The following CLCN1 variants were observed in gnomAD, a reference collection of about 807,000 sequenced individuals.
The protein encoded by CLCN1 is chloride voltage-gated channel 1.
Under a neutral mutation model 114.5 loss-of-function variants are expected in CLCN1, and 100 were observed. The observed-to-expected ratio is 0.87, with a 90% CI of 0.74 to 1.03. CLCN1 has a LOEUF of 1.03. CLCN1 is among the 50% of genes least tolerant of loss of function. CLCN1 has a pLI of 0.00. For synonymous variants in CLCN1, 485 were observed against 487.1 expected, an observed-to-expected ratio of 1.00 and a Z score of 0.06; for missense variants, 1,188 against 1,250.0, an observed-to-expected ratio of 0.95 and a Z score of 0.75.
rs1803376178 is a variant in CLCN1, at chr7:143,350,802, A to T, written c.2595+148A>T. 1.5e-6 allele frequency: 1 copy of T among 654,434 alleles called. No homozygotes were observed. 40.5% of individuals were successfully genotyped at this position (654,434 alleles called of 1,614,324 possible). A position where few individuals can be genotyped will look rare whatever the true frequency, so the allele number is the denominator to read the frequency against. On this transcript the variant is annotated intron_variant, in intron 22 of 22. Coordinates refer to ENST00000343257, the MANE Select transcript of CLCN1 (RefSeq NM_000083.3). This position sits in a 1 kb window ranked among gnomAD's most constrained non-coding sequence, Gnocchi z 5.1. ...TTTCTTTTTTTTTTTTTTGAGACAG[A>T]GTTTCACTCTTGTCGCCCAGGCTGG...
rs1285977938 is a variant in CLCN1 at position 143,339,554 on chromosome 7, C to G, written c.1515C>G (p.Leu505=). The G allele has an allele frequency of 2.5e-6, 4 of 1,614,044 alleles. No individual in the cohort carries two copies. Among genetic ancestry groups the G allele is most frequent in the Non-Finnish European group, 3.4e-6 (4 of 1,179,926 alleles). Residue 505 remains leucine (L), a synonymous_variant, in exon 14 of 23, where the codon CTC becomes CTG. Coordinates refer to ENST00000343257, the MANE Select transcript of CLCN1 (RefSeq NM_000083.3). This position sits in a 1 kb window ranked among gnomAD's most constrained non-coding sequence, Gnocchi z 4.1. Reference sequence around the variant, plus strand: ...TGGTAGGAGAAATCATGGCCATGCTCTTTCCTGATGGTATTTTGTTTGATG... The same window carrying G: ...TGGTAGGAGAAATCATGGCCATGCTGTTTCCTGATGGTATTTTGTTTGATG... ...GRLVGEIMAM[L]FPDGILFDDI...
At chr7:143,322,037 A>C (rs906292247) in intron 5 of CLCN1, among the ~76,000 whole-genome samples, 189 bp downstream of exon 5, 3 of 152,258 alleles carry the variant, frequency 2.0e-5, no homozygotes, top group Non-Finnish European at 2.9e-5. Flanking sequence ...AAAACCACAC[A>C]GCTTGGGGAG....
chr7:143,321,526 G>A lies in CLCN1; in HGVS notation c.562+33G>A, dbSNP rs1802434043. 6.2e-7 allele frequency: 1 copy of A among 1,613,594 alleles called. No homozygotes were observed. Among genetic ancestry groups the A allele is most frequent in the African/African-American group, 1.3e-5 (1 of 74,908 alleles). On this transcript the variant is annotated intron_variant, in intron 4 of 22. Coordinates refer to ENST00000343257, the MANE Select transcript of CLCN1 (RefSeq NM_000083.3). The surrounding 1 kb of genome is among the most constrained non-coding windows in gnomAD (Gnocchi z 4.2). ...CTTGCCACCAGACTCGGCCTGAGCTGGGTGGCCTGAGAGGGGCCCTGTCTG... is the reference window on the plus strand; with the variant it reads ...CTTGCCACCAGACTCGGCCTGAGCTAGGTGGCCTGAGAGGGGCCCTGTCTG...
chr7:143,321,895 G>C lies in CLCN1; in HGVS notation c.696+47G>C, dbSNP rs1802449849. The C allele has an allele frequency of 1.2e-6, 2 of 1,601,812 alleles. No individual in the cohort carries two copies. Among genetic ancestry groups the C allele is most frequent in the East Asian group, 4.5e-5 (2 of 44,560 alleles). ...CCAGAGCTGGGAGGGGCCCTCAGGA[G>C]CCAGGGTGGCACCAACTCTAGAGGG... On this transcript the variant is annotated intron_variant, in intron 5 of 22. Transcript: ENST00000343257. This position sits in a 1 kb window ranked among gnomAD's most constrained non-coding sequence, Gnocchi z 4.2.
intron 12 of CLCN1, among the ~76,000 whole-genome samples, chr7:143,338,829 G>A (rs909095683): frequency 2.6e-5 from 4 of 151,190 alleles, no homozygotes; most frequent in East Asian, 1.9e-4. Context: ...AAACCGGAGC[G>A]CCTTTTCAGA....
chr7:143,350,603 C>T lies in CLCN1; in HGVS notation c.2544C>T (p.Leu848=), dbSNP rs140111476. Residue 848 remains leucine (L), a synonymous_variant, in exon 22 of 23, where the codon CTC becomes CTT. Coordinates refer to ENST00000343257, the MANE Select transcript of CLCN1 (RefSeq NM_000083.3). The surrounding 1 kb of genome is among the most constrained non-coding windows in gnomAD (Gnocchi z 5.1). ...TGTTTTCACTCCTTGGCCTCCACCT[C>T]GCTTACGTGACCAGCATGGGGAAGC... ...HTLFSLLGLH[L]AYVTSMGKLR... 176 of 1,614,128 alleles carry T rather than the reference C, an allele frequency of 1.1e-4. No homozygotes were observed. The East Asian group carries it at 2.4e-3, about 22-fold the overall frequency.
chr7:143,324,335 C>T lies in CLCN1; in HGVS notation c.775-79C>T, dbSNP rs1802524300. 1 of 1,012,708 alleles carries T rather than the reference C, an allele frequency of 9.9e-7. No individual in the cohort carries two copies. The highest frequency in any genetic ancestry group is 1.3e-5 in the South Asian group (1 of 78,732). 62.7% of individuals were successfully genotyped at this position (1,012,708 alleles called of 1,614,324 possible). A position where few individuals can be genotyped will look rare whatever the true frequency, so the allele number is the denominator to read the frequency against. On this transcript the variant is annotated intron_variant, in intron 6 of 22. Transcript: ENST00000343257. This position sits in a 1 kb window ranked among gnomAD's most constrained non-coding sequence, Gnocchi z 4.6. ...TAGGCCTCTCATTCTGCCTTATTCCCCATCCCTGCTTGTTCTGTCCTCTGC... is the reference window on the plus strand; with the variant it reads ...TAGGCCTCTCATTCTGCCTTATTCCTCATCCCTGCTTGTTCTGTCCTCTGC...
chr7:143,342,519 A>T lies in CLCN1; in HGVS notation c.1930+14A>T. On this transcript the variant is annotated intron_variant, in intron 16 of 22. Coordinates refer to ENST00000343257, the MANE Select transcript of CLCN1 (RefSeq NM_000083.3). ...TTGACTCAAAAGGTCAGTGGGGAGG[A>T]AGAAGTCGACTCCAGAGCTAGTGAC... The T allele has an allele frequency of 6.2e-7, 1 of 1,614,052 alleles. No individual in the cohort carries two copies. Among genetic ancestry groups the T allele is most frequent in the Non-Finnish European group, 8.5e-7 (1 of 1,179,968 alleles).
At chr7:143,347,898 AGT>A (rs1803299292) in intron 20 of CLCN1, among the ~76,000 whole-genome samples, 1 of 152,194 alleles carries the variant, frequency 6.6e-6, no homozygotes, top group African/African-American at 2.4e-5. Flanking sequence ...AATGTGGACT[AGT>A]GATTGGAAGC....
intron 12 of CLCN1, among the ~76,000 whole-genome samples, chr7:143,335,432 G>A (rs1207121977): frequency 6.6e-6 from 1 of 152,086 alleles, no homozygotes; most frequent in East Asian, 1.9e-4. Context: ...ACCATTCACT[G>A]CTACAAATCT....
chr7:143,350,431 T>C lies in CLCN1; in HGVS notation c.2463T>C (p.Ile821=). 3 of 1,614,190 alleles carry C rather than the reference T, an allele frequency of 1.9e-6. No individual in the cohort carries two copies. The highest frequency in any genetic ancestry group is 2.5e-6 in the Non-Finnish European group (3 of 1,180,008). ...CTGTCTGTTTTGATTCCTGCTGTAT[T>C]GACCAGTCTCCCTTCCAGCTGGTGG... The part of the protein sequence containing the change: ...SQPVCFDSCC[I]DQSPFQLVEQ... The change falls in exon 21 of 23, where the codon ATT becomes ATC. Residue 821 remains isoleucine, a synonymous_variant. Transcript: ENST00000343257. This position sits in a 1 kb window ranked among gnomAD's most constrained non-coding sequence, Gnocchi z 5.1.
At chr7:143,344,078 G>T (rs527481949) in intron 16 of CLCN1, among the ~76,000 whole-genome samples, 2 of 152,322 alleles carry the variant, frequency 1.3e-5, no homozygotes, top group African/African-American at 2.4e-5. Context: ...GACCTCAGGC[G>T]ATCCACCAGC....
At chr7:143,330,623 G>A in intron 7 of CLCN1, 149 bp from the exon 8 acceptor site, 2 of 1,032,546 alleles carry the variant, frequency 1.9e-6, no homozygotes, top group East Asian at 2.6e-5. Context: ...GTGGTTTTGA[G>A]CATGGGAATC....
intron 12 of CLCN1, among the ~76,000 whole-genome samples, chr7:143,337,466 G>T (rs1802935654): frequency 6.6e-6 from 1 of 151,584 alleles, no homozygotes; most frequent in African/African-American, 2.4e-5. Context: ...GACTTTCTTA[G>T]AGTCTTTGTC....
At position 143,332,782 on chromosome 7, in the gene CLCN1, C is replaced by T. The variant is rs563423438; in HGVS notation, c.1310C>T (p.Ala437Val). The T allele has an allele frequency of 6.1e-5, 98 of 1,614,068 alleles. 1 individual carries two copies. In the South Asian group the frequency reaches 7.5e-4, roughly 12 times the overall value. The change falls in exon 12 of 23, where the codon GCG becomes GTG. Residue 437 changes from alanine (A) to valine (V), a missense_variant. Coordinates refer to ENST00000343257, the MANE Select transcript of CLCN1 (RefSeq NM_000083.3). Reference protein sequence around the residue: ...LFDNNTWVKHAGDPESLGQSA... With the variant: ...LFDNNTWVKHVGDPESLGQSA... ...GACAACAATACATGGGTGAAACACG[C>T]GGGTGATCCTGAGAGCCTGGGCCAG... is the stretch of plus-strand genomic sequence containing the variant.
In CLCN1 at chr7:143,340,958, C is replaced by A. The variant is rs116969897; in HGVS notation, c.1583-971C>A. ...ACTATTTTGGTTAGTGGAGAAACAA[C>A]CAAAAATTAACAAGATAGATTCTAT... On this transcript the variant is annotated intron_variant, in intron 14 of 22. Coordinates refer to ENST00000343257, the MANE Select transcript of CLCN1 (RefSeq NM_000083.3). Among the ~76,000 whole-genome samples, 1,220 of 152,150 alleles carry A rather than the reference C, an allele frequency of 8.0e-3. 9 individuals carry two copies. The highest frequency in any genetic ancestry group is 0.027 in the Middle Eastern group (8 of 294).
Position 143,350,445 on chromosome 7 carries a change from T to A in CLCN1, c.2477T>A (p.Phe826Tyr). The A allele has an allele frequency of 6.2e-7, 1 of 1,614,138 alleles. No homozygotes were observed. Among genetic ancestry groups the A allele is most frequent in the East Asian group, 2.2e-5 (1 of 44,882 alleles). ...FDSCCIDQSP[F>Y]QLVEQTTLHK... ...TCCTGCTGTATTGACCAGTCTCCCT[T>A]CCAGCTGGTGGAGCAGACAACCCTG... Residue 826 changes from phenylalanine (F) to tyrosine (Y), a missense_variant, in exon 21 of 23, where the codon TTC (phenylalanine) becomes TAC (tyrosine). Coordinates refer to ENST00000343257, the MANE Select transcript of CLCN1 (RefSeq NM_000083.3). This position sits in a 1 kb window ranked among gnomAD's most constrained non-coding sequence, Gnocchi z 5.1.
intron 7 of CLCN1, among the ~76,000 whole-genome samples, chr7:143,328,988 G>C (rs1802650167): frequency 8.0e-6 from 1 of 125,630 alleles, no homozygotes; most frequent in Non-Finnish European, 1.7e-5. Context: ...TTTTTTTCAA[G>C]ATGGAGTCTT....
intron 1 of CLCN1, among the ~76,000 whole-genome samples, chr7:143,318,457 A>G (rs1370224936): frequency 6.6e-6 from 1 of 152,186 alleles, no homozygotes; most frequent in Non-Finnish European, 1.5e-5. Flanking sequence ...TCCTGACCTC[A>G]GGTAACCTGC....
Sources: allele counts gnomAD v4.1 joint callset (sites outside exome capture counted in the v4.1 genomes callset), GRCh38; gene constraint gnomAD v4.1.1; non-coding constraint Gnocchi (gnomAD v3.1); transcripts MANE v1.5; gene names NCBI Gene and HGNC (gene_info 2026-07-23, HGNC 2026-07-21).